Variants in UVRAG observed in about 807,000 individuals in gnomAD.
UVRAG encodes UV radiation resistance associated, also known as UV radiation resistance-associated gene protein.
Under a neutral mutation model 78.0 loss-of-function variants are expected in UVRAG, and 19 were observed. The ratio of observed to expected loss-of-function variants is 0.24; its 90% confidence interval spans 0.17 to 0.36. UVRAG has a LOEUF of 0.36. Ranked by LOEUF, UVRAG falls within the 10% of genes least tolerant of loss-of-function variation. The pLI is 1.00. For missense variants in UVRAG, 740 were observed against 853.8 expected, an observed-to-expected ratio of 0.87 and a Z score of 1.66; for synonymous variants, 323 against 324.6, an observed-to-expected ratio of 1.00 and a Z score of 0.05.
At chr11:75,888,774 A>G in intron 4 of UVRAG, 55 bp from the exon 5 acceptor site, 4 of 1,460,648 alleles carry the variant, frequency 2.7e-6, no homozygotes, top group Non-Finnish European at 3.8e-6. Context: ...CTCTGGTTGT[A>G]TTAAAACATG....
Position 76,004,012 on chromosome 11 carries a change from A to G in UVRAG, c.834A>G (p.Ala278=), listed in dbSNP as rs1228123819. Residue 278 remains alanine, a synonymous_variant, in exon 9 of 15, where the codon GCA becomes GCG. Coordinates refer to ENST00000356136, the MANE Select transcript of UVRAG (RefSeq NM_003369.4). ...CCTTCCTTTTCTTTCTAGGAAGTGC[A>G]TTTTCAGCTGAGCACCTCAAACTTC... is the stretch of plus-strand genomic sequence containing the variant. The part of the protein sequence containing the change: ...QQIALQDKGS[A]FSAEHLKLQL... 9.9e-6 allele frequency: 16 copies of G among 1,613,716 alleles called. 1 individual carries two copies. In the South Asian group the frequency reaches 1.5e-4, roughly 16 times the overall value.
At chr11:75,930,573 T>G (rs1231684294) in intron 6 of UVRAG, among the ~76,000 whole-genome samples, 1 of 152,210 alleles carries the variant, frequency 6.6e-6, no homozygotes, top group East Asian at 1.9e-4. Flanking sequence ...AAAAATATAC[T>G]TACTCAAAAT....
In UVRAG at chr11:76,136,630, TGG is replaced by T. The variant is rs1241590936; in HGVS notation, c.1398-4079_1398-4078del. On this transcript the variant is annotated intron_variant, in intron 14 of 14. Transcript: ENST00000356136. ...TCCTCCCACCTCAGCCCACAGTTGC[TGG>T]GACTACAAGCGCTCACCACCATACC... Among the ~76,000 whole-genome samples the T allele has an allele frequency of 4.1e-3, 625 of 151,808 alleles. 3 individuals are homozygous for T. The highest frequency in any genetic ancestry group is 0.014 in the African/African-American group (595 of 41,368).
intron 13 of UVRAG, among the ~76,000 whole-genome samples, chr11:76,087,939 A>G (rs930518358): frequency 6.6e-6 from 1 of 152,200 alleles, no homozygotes; most frequent in Admixed American, 6.5e-5. Context: ...CAGTGGTGCA[A>G]TCACAGCTCA....
At chr11:75,946,551 T>G (rs1948592173) in intron 6 of UVRAG, among the ~76,000 whole-genome samples, 1 of 152,246 alleles carries the variant, frequency 6.6e-6, no homozygotes, top group African/African-American at 2.4e-5. Flanking sequence ...GCTTATGGTC[T>G]CATGAGGCTG....
intron 5 of UVRAG, 137 bp downstream of exon 5, chr11:75,889,040 G>T: frequency 1.7e-6 from 1 of 589,694 alleles, no homozygotes; most frequent in Non-Finnish European, 2.7e-6. Context: ...GGCTTAAGGT[G>T]GATGCTTTTT....
At chr11:75,872,434 G>A (rs1004561952) in intron 3 of UVRAG, among the ~76,000 whole-genome samples, 1 of 150,344 alleles carries the variant, frequency 6.7e-6, no homozygotes, top group Non-Finnish European at 1.5e-5. Context: ...TGTCGCCCAG[G>A]CTAGAGTGCA....
chr11:75,939,972 TACCA>T (rs1232932855), intron 6 of UVRAG, among the ~76,000 whole-genome samples: 1 of 152,170 alleles, frequency 6.6e-6, no homozygotes, highest in Non-Finnish European at 1.5e-5. Flanking sequence ...TGAAACACTA[TACCA>T]AAAACTTAAA....
At position 75,983,476 on chromosome 11, in the gene UVRAG, A is replaced by G. The variant is rs1208393356; in HGVS notation, c.789A>G (p.Ala263=). Residue 263 remains alanine (A), a synonymous_variant, in exon 8 of 15, where the codon GCA becomes GCG. Transcript: ENST00000356136. ...AGAAAGCTTTGGGACGGGAGGTGGCATTACTGCATAAGCAACAAATTGCAT... is the reference window on the plus strand; with the variant it reads ...AGAAAGCTTTGGGACGGGAGGTGGCGTTACTGCATAAGCAACAAATTGCAT... ...RQKKALGREV[A]LLHKQQIALQ... 1.2e-5 allele frequency: 19 copies of G among 1,611,060 alleles called. No homozygotes were observed. Among genetic ancestry groups the G allele is most frequent in the Non-Finnish European group, 1.4e-5 (17 of 1,177,982 alleles).
chr11:75,870,166 A>G (rs1044751818), intron 3 of UVRAG, among the ~76,000 whole-genome samples: 1 of 152,216 alleles, frequency 6.6e-6, no homozygotes, highest in Non-Finnish European at 1.5e-5. Context: ...CTGTATCTGA[A>G]TGTACCAACT....
At chr11:76,066,714 G>A (rs1347149310) in intron 13 of UVRAG, among the ~76,000 whole-genome samples, 1 of 151,980 alleles carries the variant, frequency 6.6e-6, no homozygotes, top group Non-Finnish European at 1.5e-5. Context: ...CTCGTGATCC[G>A]CCTGCCTCAG....
chr11:75,957,195 A>T (rs1386447234), intron 6 of UVRAG, among the ~76,000 whole-genome samples: 1 of 152,024 alleles, frequency 6.6e-6, no homozygotes, highest in Non-Finnish European at 1.5e-5. Flanking sequence ...TTATGATTTC[A>T]GCTTTTTATA....
intron 13 of UVRAG, among the ~76,000 whole-genome samples, chr11:76,103,449 G>A (rs1367100538): frequency 1.3e-5 from 2 of 150,918 alleles, no homozygotes. Flanking sequence ...ATTACTTTTT[G>A]TTAAATGAAT....
chr11:76,063,933 G>A, intron 12 of UVRAG, among the ~76,000 whole-genome samples: 1 of 152,186 alleles, frequency 6.6e-6, no homozygotes, highest in East Asian at 1.9e-4. Flanking sequence ...ATGCATGATA[G>A]TTATAAGCTA....
At chr11:75,850,921 C>G (rs546751820) in intron 1 of UVRAG, among the ~76,000 whole-genome samples, 2 of 152,172 alleles carry the variant, frequency 1.3e-5, no homozygotes, top group Non-Finnish European at 2.9e-5. Flanking sequence ...GGTATGTGCA[C>G]GGGAAAAAGA....
chr11:76,055,460 G>A (rs1056754261), intron 12 of UVRAG, among the ~76,000 whole-genome samples: 1 of 152,098 alleles, frequency 6.6e-6, no homozygotes, highest in African/African-American at 2.4e-5. Context: ...AAAGAATCTT[G>A]TAGTGAACAC....
At chr11:76,128,596 G>A (rs1471430542) in intron 14 of UVRAG, among the ~76,000 whole-genome samples, 3 of 152,028 alleles carry the variant, frequency 2.0e-5, no homozygotes, top group Non-Finnish European at 4.4e-5. Flanking sequence ...TGGGTGCCAG[G>A]CATGGGAGGT....
chr11:75,988,030 C>T (rs568807869), intron 8 of UVRAG, among the ~76,000 whole-genome samples: 79 of 152,306 alleles, frequency 5.2e-4, no homozygotes, highest in African/African-American at 1.8e-3. Context: ...GAGCCACCAG[C>T]CCGGCCGCAT....
chr11:76,079,055 C>A (rs1260391312), intron 13 of UVRAG, among the ~76,000 whole-genome samples: 2 of 152,302 alleles, frequency 1.3e-5, no homozygotes, highest in East Asian at 3.9e-4. Flanking sequence ...GTATTATGTG[C>A]CCTGAGCCCC....
Sources: allele counts gnomAD v4.1 joint callset (sites outside exome capture counted in the v4.1 genomes callset), GRCh38; gene constraint gnomAD v4.1.1; transcripts MANE v1.5; gene names NCBI Gene and HGNC (gene_info 2026-07-23, HGNC 2026-07-21).